The following MKLN1 variants were observed in gnomAD, a reference collection of about 807,000 sequenced individuals.
MKLN1 encodes the protein muskelin.
A neutral mutation model predicts 99.0 loss-of-function variants in MKLN1; 18 were observed. The ratio of observed to expected loss-of-function variants is 0.18; its 90% CI spans 0.13 to 0.27. The LOEUF (loss-of-function observed/expected upper bound fraction) is 0.27, where lower values mean the gene tolerates loss of function less well. Ranked by LOEUF, MKLN1 falls within the 10% of genes least tolerant of loss-of-function variation. The probability of loss-of-function intolerance (pLI) is 1.00; values close to 1 mark genes in which losing one functional copy is unlikely to be tolerated. For synonymous variants in MKLN1, 288 were observed against 293.2 expected, an observed-to-expected ratio of 0.98 and a Z score of 0.18; for missense variants, 621 against 875.9, an observed-to-expected ratio of 0.71 and a Z score of 3.67.
chr7:131,133,598 C>A (rs1182227137), intron 1 of MKLN1, among the ~76,000 whole-genome samples: 1 of 150,804 alleles, frequency 6.6e-6, no homozygotes, highest in South Asian at 2.1e-4. Flanking sequence ...GTGATCCGCC[C>A]GCCTCGGCCT....
At chr7:131,349,149 A>G (rs1424647380) in intron 1 of MKLN1, among the ~76,000 whole-genome samples, 2 of 152,144 alleles carry the variant, frequency 1.3e-5, no homozygotes, top group African/African-American at 4.8e-5. Flanking sequence ...TTAATTACAT[A>G]TAAATGAAGC....
chr7:131,301,229 T>C (rs1025065343), intron 3 of MKLN1, among the ~76,000 whole-genome samples: 3 of 152,160 alleles, frequency 2.0e-5, no homozygotes, highest in African/African-American at 7.2e-5. Flanking sequence ...ACTATAAATA[T>C]GTTCACCAGA....
At chr7:131,400,284 G>T (rs944916463) in intron 6 of MKLN1, among the ~76,000 whole-genome samples, 3 of 151,428 alleles carry the variant, frequency 2.0e-5, no homozygotes, top group African/African-American at 7.3e-5. Flanking sequence ...AACCAGACTT[G>T]TACTGCCTTG....
intron 17 of MKLN1, among the ~76,000 whole-genome samples, chr7:131,483,449 A>T (rs560257696): frequency 2.0e-5 from 3 of 152,202 alleles, no homozygotes; most frequent in Non-Finnish European, 4.4e-5. Flanking sequence ...GCCTCTGGTC[A>T]CAACATTTTA....
upstream of MKLN1, chr7:131,327,853 C>G (rs1328334132): frequency 6.2e-7 from 1 of 1,601,326 alleles, no homozygotes; most frequent in Non-Finnish European, 8.5e-7. Context: ...CTCCCCTCCT[C>G]CCGTTCGCTG....
intron 2 of MKLN1, among the ~76,000 whole-genome samples, chr7:131,185,746 C>T (rs896416356): frequency 2.0e-5 from 3 of 152,112 alleles, no homozygotes; most frequent in East Asian, 1.9e-4. Flanking sequence ...ATTCTCCATG[C>T]CTTCAATTCC....
At chr7:131,393,161 A>G (rs940934667) in intron 4 of MKLN1, among the ~76,000 whole-genome samples, 4 of 152,196 alleles carry the variant, frequency 2.6e-5, no homozygotes, top group South Asian at 2.1e-4. Context: ...TGATTGTCCA[A>G]TGGGGAAAAC....
intron 1 of MKLN1, among the ~76,000 whole-genome samples, chr7:131,132,001 G>A (rs1206640752): frequency 4.6e-5 from 7 of 152,166 alleles, no homozygotes; most frequent in Admixed American, 2.0e-4. Flanking sequence ...ACCAGAATTC[G>A]AATACAGATC....
chr7:131,308,587 T>C (rs1644251112), intron 3 of MKLN1, among the ~76,000 whole-genome samples: 1 of 109,864 alleles, frequency 9.1e-6, no homozygotes. Flanking sequence ...TGTTTTGTTT[T>C]TTCTTTTTTT....
chr7:131,234,763 A>G (rs1329965305), intron 3 of MKLN1, among the ~76,000 whole-genome samples: 1 of 152,182 alleles, frequency 6.6e-6, no homozygotes, highest in South Asian at 2.1e-4. Context: ...TTTGCCCAAA[A>G]TACCTCTCTC....
chr7:131,203,885 T>C (rs1236633939), intron 3 of MKLN1, among the ~76,000 whole-genome samples: 2 of 152,140 alleles, frequency 1.3e-5, no homozygotes, highest in African/African-American at 2.4e-5. Context: ...GATTGCTGGA[T>C]CCTAACATAG....
At chr7:131,128,751 T>C (rs1795502323) in intron 1 of MKLN1, among the ~76,000 whole-genome samples, 1 of 138,102 alleles carries the variant, frequency 7.2e-6, no homozygotes, top group East Asian at 2.2e-4. Context: ...ACAACAGGTG[T>C]GTGCCACCAT....
chr7:131,389,493 A>G (rs1563324658), intron 4 of MKLN1, among the ~76,000 whole-genome samples: 1 of 152,098 alleles, frequency 6.6e-6, no homozygotes, highest in Non-Finnish European at 1.5e-5. Flanking sequence ...GGTCAAACCC[A>G]TTAAATTGAT....
intron 8 of MKLN1, among the ~76,000 whole-genome samples, chr7:131,425,209 A>C (rs980298776): frequency 6.6e-6 from 1 of 152,168 alleles, no homozygotes; most frequent in African/African-American, 2.4e-5. Flanking sequence ...GCCTGACTAG[A>C]GTACATGTTC....
At chr7:131,143,167 C>T (rs1795762247) in intron 2 of MKLN1, among the ~76,000 whole-genome samples, 1 of 152,166 alleles carries the variant, frequency 6.6e-6, no homozygotes, top group Non-Finnish European at 1.5e-5. Flanking sequence ...TCCTCTGTTT[C>T]ATGAGTATTT....
chr7:131,225,132 G>C (rs1797127827), intron 3 of MKLN1, among the ~76,000 whole-genome samples: 1 of 152,054 alleles, frequency 6.6e-6, no homozygotes, highest in African/African-American at 2.4e-5. Flanking sequence ...GTCTGTTCAG[G>C]CTGCTGTAAT....
At chr7:131,181,694 C>T (rs1259058288) in intron 2 of MKLN1, among the ~76,000 whole-genome samples, 2 of 145,866 alleles carry the variant, frequency 1.4e-5, no homozygotes, top group African/African-American at 5.1e-5. Context: ...GAGTCTCGTT[C>T]TGTCACCCAG....
chr7:131,399,484 CTT>C (rs753319143), intron 6 of MKLN1, 51 bp downstream of exon 6: 44 of 1,482,020 alleles, frequency 3.0e-5, no homozygotes, highest in Non-Finnish European at 4.0e-5. Context: ...ATACGGGAAA[CTT>C]TTTCTCAAAA....
intron 1 of MKLN1, among the ~76,000 whole-genome samples, chr7:131,372,272 G>A (rs1483369086): frequency 5.9e-5 from 9 of 151,828 alleles, no homozygotes. Flanking sequence ...TTGTCCTGTA[G>A]TCTTTTCAAA....
Sources: allele counts gnomAD v4.1 joint callset (sites outside exome capture counted in the v4.1 genomes callset), GRCh38; gene constraint gnomAD v4.1.1; transcripts MANE v1.5; gene names NCBI Gene and HGNC (gene_info 2026-07-23, HGNC 2026-07-21).